Variants in AUTS2 observed in about 807,000 individuals in gnomAD.
AUTS2 encodes the protein autism susceptibility gene 2 protein.
Under a neutral mutation model 112.4 loss-of-function variants are expected in AUTS2, and 17 were observed. The ratio of observed to expected loss-of-function variants is 0.15; its 90% CI spans 0.10 to 0.23. AUTS2 has a LOEUF of 0.23. AUTS2 is among the 10% of genes least tolerant of loss of function. The pLI is 1.00. For synonymous variants in AUTS2, 751 were observed against 702.7 expected (o/e 1.07, Z -1.09); for missense variants, 1,510 against 1,701.6 (o/e 0.89, Z 1.98).
intron 2 of AUTS2, among the ~76,000 whole-genome samples, chr7:69,902,618 TTAG>T (rs1207023835): frequency 6.6e-6 from 1 of 152,192 alleles, no homozygotes; most frequent in Admixed American, 6.5e-5. Context: ...ATGTTACTCC[TTAG>T]TAGAGAGGAA....
chr7:70,774,922 G>T (rs1161371886), intron 12 of AUTS2: 1 of 172,966 alleles, frequency 5.8e-6, no homozygotes, highest in Non-Finnish European at 1.2e-5. Context: ...AAGGGTATTG[G>T]TAAAGAGAGC....
In AUTS2 at chr7:70,791,071, C is replaced by T; in HGVS notation, c.*75C>T. 1 of 1,384,460 alleles carries T rather than the reference C, an allele frequency of 7.2e-7. No homozygotes were observed. The highest frequency in any genetic ancestry group is 1.9e-5 in the South Asian group (1 of 53,680). 85.8% of individuals were successfully genotyped at this position (1,384,460 alleles called of 1,614,324 possible). A position where few individuals can be genotyped will look rare whatever the true frequency, so the allele number is the denominator to read the frequency against. On this transcript the variant is annotated 3_prime_UTR_variant, in exon 19 of 19. Coordinates refer to ENST00000342771, the MANE Select transcript of AUTS2 (RefSeq NM_015570.4). ...AGGCCAGGCTTGAGAGACAGAACTCCTGCATGGCTCACACAGACTGGGGGG... is the reference window on the plus strand; with the variant it reads ...AGGCCAGGCTTGAGAGACAGAACTCTTGCATGGCTCACACAGACTGGGGGG...
At chr7:69,878,637 G>T (rs561661012) in intron 1 of AUTS2, among the ~76,000 whole-genome samples, 1 of 152,322 alleles carries the variant, frequency 6.6e-6, no homozygotes, top group South Asian at 2.1e-4. Flanking sequence ...ATGACTCGGA[G>T]AGGCAGAATT....
At chr7:69,657,924 G>C (rs1327140583) in intron 1 of AUTS2, among the ~76,000 whole-genome samples, 2 of 152,236 alleles carry the variant, frequency 1.3e-5, no homozygotes, top group Non-Finnish European at 2.9e-5. Flanking sequence ...CTTGGCACCT[G>C]GGCCAGGTAC....
At chr7:69,610,323 C>A (rs887990958) in intron 1 of AUTS2, among the ~76,000 whole-genome samples, 4 of 152,196 alleles carry the variant, frequency 2.6e-5, no homozygotes, top group African/African-American at 9.6e-5. Context: ...GGCTCTGCCT[C>A]CCATTTAAAA....
chr7:70,129,128 C>G (rs974026631), intron 3 of AUTS2, among the ~76,000 whole-genome samples: 9 of 152,028 alleles, frequency 5.9e-5, no homozygotes, highest in African/African-American at 9.7e-5. Flanking sequence ...GTTTTGGAGG[C>G]TGACAAGTCC....
intron 4 of AUTS2, among the ~76,000 whole-genome samples, chr7:70,375,805 C>A (rs1793057995): frequency 6.6e-6 from 1 of 152,070 alleles, no homozygotes; most frequent in Non-Finnish European, 1.5e-5. Context: ...CAATTACATA[C>A]AATAACTTGT....
At chr7:70,432,552 C>G (rs756025828) in intron 4 of AUTS2, among the ~76,000 whole-genome samples, 1 of 152,192 alleles carries the variant, frequency 6.6e-6, no homozygotes, top group African/African-American at 2.4e-5. Flanking sequence ...AGAAAGACTC[C>G]TTAGGACTGT....
chr7:70,726,448 T>C (rs950134566), intron 6 of AUTS2, among the ~76,000 whole-genome samples: 4 of 152,218 alleles, frequency 2.6e-5, no homozygotes, highest in African/African-American at 9.6e-5. Context: ...TATTGTCGTA[T>C]ATGTGATATA....
chr7:69,881,649 C>G (rs1485658500), intron 1 of AUTS2, among the ~76,000 whole-genome samples: 2 of 152,108 alleles, frequency 1.3e-5, no homozygotes, highest in African/African-American at 4.8e-5. Context: ...AAGTATTGCT[C>G]TCTTCCCATG....
intron 5 of AUTS2, among the ~76,000 whole-genome samples, chr7:70,512,840 A>G (rs1799251929): frequency 1.3e-5 from 2 of 151,814 alleles, no homozygotes; most frequent in South Asian, 4.2e-4. Context: ...ACTTAAAGAA[A>G]AAAAAAAAAC....
chr7:69,890,993 A>G (rs1794494500), intron 1 of AUTS2, among the ~76,000 whole-genome samples: 1 of 152,226 alleles, frequency 6.6e-6, no homozygotes, highest in African/African-American at 2.4e-5. Flanking sequence ...ATGGAGGTAT[A>G]ATTTACATTC....
rs1183024386 is a variant in AUTS2 at position 70,786,057 on chromosome 7, T to C, written c.2308+19T>C. 2 of 1,606,156 alleles carry C rather than the reference T, an allele frequency of 1.2e-6. No individual in the cohort carries two copies. The highest frequency in any genetic ancestry group is 1.7e-6 in the Non-Finnish European group (2 of 1,172,982). The stretch of plus-strand genomic sequence containing the variant: ...TCCGTTAGTGAGTACCTCTAACTTT[T>C]AAAAATCTGCCTTGGACTTTTTATC... On this transcript the variant is annotated intron_variant, in intron 17 of 18. Coordinates refer to ENST00000342771, the MANE Select transcript of AUTS2 (RefSeq NM_015570.4).
At chr7:70,165,709 A>G (rs1450815213) in intron 4 of AUTS2, among the ~76,000 whole-genome samples, 3 of 152,234 alleles carry the variant, frequency 2.0e-5, no homozygotes, top group Non-Finnish European at 4.4e-5. Flanking sequence ...CTCTATAGAA[A>G]GAACATTTTG....
chr7:69,967,222 C>T (rs1302353740), intron 2 of AUTS2, among the ~76,000 whole-genome samples: 1 of 152,074 alleles, frequency 6.6e-6, no homozygotes, highest in Non-Finnish European at 1.5e-5. Context: ...TAATGTTTGG[C>T]CAGGTGTTAA....
chr7:69,639,980 G>T (rs1392731603), intron 1 of AUTS2, among the ~76,000 whole-genome samples: 4 of 152,174 alleles, frequency 2.6e-5, no homozygotes, highest in African/African-American at 9.6e-5. Flanking sequence ...TTCACTGTAT[G>T]ATCTTGGTCA....
In AUTS2 at chr7:70,790,291, G is replaced by A. The variant is rs767034869; in HGVS notation, c.3075G>A (p.Thr1025=). 2.3e-5 allele frequency: 37 copies of A among 1,613,420 alleles called. No individual in the cohort carries two copies. Among genetic ancestry groups the A allele is most frequent in the Non-Finnish European group, 3.1e-5 (37 of 1,180,006 alleles). The change falls in exon 19 of 19, where the codon ACG becomes ACA. Residue 1025 remains threonine, a synonymous_variant. Transcript: ENST00000342771. The surrounding 1 kb of genome is among the most constrained non-coding windows in gnomAD (Gnocchi z 7.6). ...GGCCCCTGGCCTCGATGCCCATGAC[G>A]GTGGGGGTGACGGGCATTCACCCCA... ...HPGPLASMPM[T]VGVTGIHPMN... is the part of the protein sequence containing the mutation.
intron 1 of AUTS2, among the ~76,000 whole-genome samples, chr7:69,656,932 A>C (rs143823448): frequency 8.9e-4 from 136 of 152,226 alleles, no homozygotes; most frequent in African/African-American, 3.1e-3. Context: ...ACCTTCCTGG[A>C]CTTCAGGAAA....
chr7:70,368,909 C>T (rs59713037), intron 4 of AUTS2, among the ~76,000 whole-genome samples: 2,103 of 152,116 alleles, frequency 0.014, 65 homozygotes, highest in African/African-American at 0.048. Flanking sequence ...TTTGGAACAG[C>T]TGTTTGTTAA....
Sources: gnomAD v4.1 joint callset for allele counts (sites outside exome capture counted in the v4.1 genomes callset) on GRCh38, gnomAD v4.1.1 for gene constraint, Gnocchi (gnomAD v3.1) non-coding constraint, MANE v1.5 for transcripts, NCBI Gene and HGNC (gene_info 2026-07-23, HGNC 2026-07-21) for gene names.